Variants in RABEP2 observed in about 807,000 individuals in gnomAD.
RABEP2 encodes the protein rab GTPase-binding effector protein 2.
RABEP2 carries 57 observed loss-of-function variants against 74.1 expected under a neutral mutation model. The ratio of observed to expected loss-of-function variants is 0.77; its 90% confidence interval spans 0.62 to 0.96. The LOEUF is 0.96. RABEP2 is among the 40% of genes least tolerant of loss of function. RABEP2 has a pLI of 0.00. For missense variants in RABEP2, 692 were observed against 756.3 expected (o/e 0.91, Z 1.00); for synonymous variants, 351 against 344.0 (o/e 1.02, Z -0.23).
Position 28,919,698 on chromosome 16 carries a change from CG to C in RABEP2, c.432+87del, listed in dbSNP as rs956043772. On this transcript the variant is annotated intron_variant, in intron 3 of 12. Transcript: ENST00000358201. ...TTCCTAGAATCACTGCTGGGTGCCCCGCACCCCATGACCAGGGAATGGGACA... is the reference window on the plus strand; with the variant it reads ...TTCCTAGAATCACTGCTGGGTGCCCCCACCCCATGACCAGGGAATGGGACA... The C allele has an allele frequency of 1.4e-4, 193 of 1,423,558 alleles. No homozygotes were observed. The Admixed American group carries it at 3.9e-3, about 29-fold the overall frequency. 88.2% of individuals were successfully genotyped at this position (1,423,558 alleles called of 1,614,324 possible).
At chr16:28,909,284 T>C (rs1230025334) in intron 7 of RABEP2, among the ~76,000 whole-genome samples, 1 of 151,976 alleles carries the variant, frequency 6.6e-6, no homozygotes, top group Non-Finnish European at 1.5e-5. Flanking sequence ...ACCATGTTGG[T>C]CAGGTTGGTC....
chr16:28,905,925 C>T, intron 9 of RABEP2, 47 bp from the exon 10 acceptor site: 1 of 1,613,248 alleles, frequency 6.2e-7, no homozygotes. Flanking sequence ...TCTCTCCCCT[C>T]CCCGCTGCTG....
In RABEP2 at chr16:28,924,470, G is replaced by T. The variant is rs767563363; in HGVS notation, c.207C>A (p.Ala69=). ...AVAEVSESTK[A]EAVAAVQRQC... is the part of the protein sequence containing the mutation. Reference sequence around the variant, plus strand: ...GCCGCTGCACCGCAGCCACAGCCTCGGCCTTCGTGCTCTCGCTCACCTCTG... The same window carrying T: ...GCCGCTGCACCGCAGCCACAGCCTCTGCCTTCGTGCTCTCGCTCACCTCTG... Residue 69 remains alanine (A), a synonymous_variant, in exon 2 of 13, where the codon GCC becomes GCA. Transcript: ENST00000358201. 2.6e-5 allele frequency: 42 copies of T among 1,613,890 alleles called. No homozygotes were observed. The Admixed American group carries it at 7.0e-4, about 27-fold the overall frequency.
intron 2 of RABEP2, among the ~76,000 whole-genome samples, chr16:28,921,959 C>T (rs974345273): frequency 4.6e-5 from 7 of 151,390 alleles, no homozygotes; most frequent in Non-Finnish European, 7.4e-5. Flanking sequence ...AGCGGGACTC[C>T]GTCTCAAAAA....
intron 3 of RABEP2, among the ~76,000 whole-genome samples, chr16:28,918,901 G>A (rs1325854552): frequency 6.6e-6 from 1 of 152,168 alleles, no homozygotes; most frequent in African/African-American, 2.4e-5. Flanking sequence ...GCTCACTGCA[G>A]CTTCAAGCTC....
rs1159352183 is a variant in RABEP2, at chr16:28,910,918, G to C, written c.1059C>G (p.Ser353Arg). The C allele has an allele frequency of 4.3e-6, 7 of 1,612,746 alleles. No individual in the cohort carries two copies. The highest frequency in any genetic ancestry group is 5.9e-6 in the Non-Finnish European group (7 of 1,179,572). Reference sequence around the variant, plus strand: ...GCAGCTGCACCCGCTCCTGGGCCTGGCTCACGGTCCCTTGCAGGGTCCGCA... The same window carrying C: ...GCAGCTGCACCCGCTCCTGGGCCTGCCTCACGGTCCCTTGCAGGGTCCGCA... Reference protein sequence around the residue: ...QLLRTLQGTVSQAQERVQLQM... With the variant: ...QLLRTLQGTVRQAQERVQLQM... Residue 353 changes from serine (S) to arginine (R), a missense_variant, in exon 7 of 13, where the codon AGC becomes AGG. Coordinates refer to ENST00000358201, the MANE Select transcript of RABEP2 (RefSeq NM_024816.3).
At chr16:28,916,096 TCTG>T (rs1004616889) in intron 3 of RABEP2, 4 of 144,492 alleles carry the variant, frequency 2.8e-5, no homozygotes, top group African/African-American at 7.7e-5. Context: ...CCTCAAATGA[TCTG>T]CTCGCCTCGG....
chr16:28,908,621 G>A lies in RABEP2; in HGVS notation c.1233C>T (p.Pro411=). 2 of 1,612,538 alleles carry A rather than the reference G, an allele frequency of 1.2e-6. No individual in the cohort carries two copies. Among genetic ancestry groups the A allele is most frequent in the Non-Finnish European group, 1.7e-6 (2 of 1,179,450 alleles). ...ACACTCAGCTTACTGGCACAGAGCT[G>A]GGCAGTGATTCCTCCTCGCCCTGCT... is the stretch of plus-strand genomic sequence containing the variant. The part of the protein sequence containing the change: ...QQEQGEEESL[P]SSVPELQQLL... Residue 411 remains proline (P), a synonymous_variant, in exon 8 of 13, where the codon CCC becomes CCT. Coordinates refer to ENST00000358201, the MANE Select transcript of RABEP2 (RefSeq NM_024816.3).
At chr16:28,924,072 T>A in intron 2 of RABEP2, 1 of 360,196 alleles carries the variant, frequency 2.8e-6, no homozygotes, top group Non-Finnish European at 5.2e-6. Flanking sequence ...AAGTCCAGAC[T>A]AAAATGAGGT....
intron 2 of RABEP2, 111 bp downstream of exon 2, chr16:28,924,292 A>C (rs1248866355): frequency 9.1e-7 from 1 of 1,097,390 alleles, no homozygotes; most frequent in East Asian, 2.5e-5. Context: ...GCCCTGTGCC[A>C]GGCAGCCCTG....
intron 4 of RABEP2, 34 bp downstream of exon 4, chr16:28,914,638 C>T (rs1330449160): frequency 1.9e-6 from 3 of 1,612,384 alleles, no homozygotes; most frequent in Non-Finnish European, 2.5e-6. Flanking sequence ...TCTGGCACCC[C>T]TCCTTCCCCA....
At chr16:28,919,076 T>C (rs1167748146) in intron 3 of RABEP2, among the ~76,000 whole-genome samples, 1 of 152,244 alleles carries the variant, frequency 6.6e-6, no homozygotes, top group Non-Finnish European at 1.5e-5. Context: ...ATCTGATAAA[T>C]GGATCTAACA....
At chr16:28,919,618 G>T in intron 3 of RABEP2, 168 bp downstream of exon 3, 1 of 687,672 alleles carries the variant, frequency 1.5e-6, no homozygotes. Flanking sequence ...GGGCAAGCCA[G>T]GACCCTACGG....
At chr16:28,905,823 G>A in intron 10 of RABEP2, 44 bp downstream of exon 10, 1 of 1,613,954 alleles carries the variant, frequency 6.2e-7, no homozygotes, top group Non-Finnish European at 8.5e-7. Context: ...ACCTAGCCCA[G>A]CCAGGGTGGG....
intron 5 of RABEP2, among the ~76,000 whole-genome samples, chr16:28,913,159 AC>A (rs1268261374): frequency 5.9e-5 from 9 of 151,366 alleles, no homozygotes; most frequent in Non-Finnish European, 8.8e-5. Context: ...TGAACTCTCA[AC>A]CTCAGGTGAT....
intron 3 of RABEP2, among the ~76,000 whole-genome samples, chr16:28,919,219 G>A (rs896535411): frequency 3.3e-5 from 5 of 152,172 alleles, no homozygotes; most frequent in East Asian, 1.9e-4. Context: ...GCAGTGGCAC[G>A]ATCTTAGCTC....
rs765092338 is a variant in RABEP2 at position 28,914,477 on chromosome 16, C to G, written c.653G>C (p.Gly218Ala). ...GTGAGCGAAGGCCTCAGCGGCTGGA[C>G]CCCCATCTCCGCTCAGCTCCTCCAG... ...EPLEELSGDGGPAAEAFAHNC... is the reference protein window; with the variant it reads ...EPLEELSGDGAPAAEAFAHNC... The change falls in exon 5 of 13, where the codon GGT (glycine) becomes GCT (alanine). Residue 218 changes from glycine to alanine, a missense_variant. Gly to Ala is a moderately conservative substitution (Grantham distance 60). Coordinates refer to ENST00000358201, the MANE Select transcript of RABEP2 (RefSeq NM_024816.3). 3.5e-5 allele frequency: 57 copies of G among 1,613,108 alleles called. No homozygotes were observed. Among genetic ancestry groups the G allele is most frequent in the Middle Eastern group, 1.6e-4 (1 of 6,082 alleles).
rs1226375447 is a variant in RABEP2 at position 28,924,413 on chromosome 16, G to T, written c.264C>A (p.Ala88=). The change falls in exon 2 of 13, where the codon GCC becomes GCA. Residue 88 remains alanine (A), a synonymous_variant. Coordinates refer to ENST00000358201, the MANE Select transcript of RABEP2 (RefSeq NM_024816.3). Reference sequence around the variant, plus strand: ...AGTCCCGCGTCTCACCTTTCAGGATGGCCTGCAGCGAGGCCACCTCCTCTT... The same window carrying T: ...AGTCCCGCGTCTCACCTTTCAGGATTGCCTGCAGCGAGGCCACCTCCTCTT... ...QCQEEVASLQ[A]ILKDSISSYE... The T allele has an allele frequency of 1.2e-6, 2 of 1,612,484 alleles. No homozygotes were observed. The highest frequency in any genetic ancestry group is 1.7e-4 in the Middle Eastern group (1 of 6,046).
At chr16:28,911,736 CAGG>C (rs1469032977) in intron 5 of RABEP2, among the ~76,000 whole-genome samples, 4 of 149,352 alleles carry the variant, frequency 2.7e-5, no homozygotes, top group African/African-American at 7.4e-5. Flanking sequence ...GGTGGGTGGT[CAGG>C]AGTTCAAGAC....
Sources: allele counts gnomAD v4.1 joint callset (sites outside exome capture counted in the v4.1 genomes callset), GRCh38; gene constraint gnomAD v4.1.1; transcripts MANE v1.5; gene names NCBI Gene and HGNC (gene_info 2026-07-23, HGNC 2026-07-21).